The following DNM2 variants were observed in gnomAD, a reference collection of about 807,000 sequenced individuals.
DNM2 encodes dynamin 2, also known as dynamin-2.
Under a neutral mutation model 99.0 loss-of-function variants are expected in DNM2, and 15 were observed. The ratio of observed to expected loss-of-function variants is 0.15; its 90% CI spans 0.10 to 0.23. DNM2 has a LOEUF of 0.23. Among genes scored for constraint, DNM2 ranks in the 10% least tolerant of loss-of-function variants. The probability of loss-of-function intolerance (pLI) is 1.00; values close to 1 mark genes in which losing one functional copy is unlikely to be tolerated. For missense variants in DNM2, 742 were observed against 1,189.4 expected (o/e 0.62, Z 5.53); for synonymous variants, 525 against 481.2 (o/e 1.09, Z -1.19).
chr19:10,724,217 T>G lies in DNM2; in HGVS notation c.161+5814T>G, dbSNP rs2145672023. On this transcript the variant is annotated intron_variant, in intron 1 of 20. Coordinates refer to ENST00000389253, the MANE Select transcript of DNM2 (RefSeq NM_001005361.3). ...CTTTGAGACGGAGTCTCACTCTGTC[T>G]TCCAGGCTGGAGTGCAGTCACGCGA... Among the ~76,000 whole-genome samples the G allele has an allele frequency of 1.3e-5, 2 of 152,254 alleles. 1 individual carries two copies. The highest frequency in any genetic ancestry group is 4.2e-4 in the South Asian group (2 of 4,818).
chr19:10,758,707 T>G (rs1182429678), intron 1 of DNM2, among the ~76,000 whole-genome samples: 2 of 147,368 alleles, frequency 1.4e-5, no homozygotes, highest in Non-Finnish European at 3.0e-5. Flanking sequence ...CCACCACACT[T>G]GGATAATTTT....
In DNM2 at chr19:10,831,638, G is replaced by C. The variant is rs1793546623; in HGVS notation, c.*591G>C. On this transcript the variant is annotated 3_prime_UTR_variant, in exon 21 of 21. Coordinates refer to ENST00000389253, the MANE Select transcript of DNM2 (RefSeq NM_001005361.3). The surrounding 1 kb of genome is among the most constrained non-coding windows in gnomAD (Gnocchi z 4.3). ...CAGAGGTGCCTTTGCTAGGCCCGGA[G>C]CCGTTGGCCCGGGCCGGCCTTGCCC... is the stretch of plus-strand genomic sequence containing the variant. 3 of 986,066 alleles carry C rather than the reference G, an allele frequency of 3.0e-6. No homozygotes were observed. The South Asian group carries it at 1.4e-4, about 46-fold the overall frequency. 61.1% of individuals were successfully genotyped at this position (986,066 alleles called of 1,614,324 possible).
At position 10,796,173 on chromosome 19, in the gene DNM2, A is replaced by C; in HGVS notation, c.1196+734A>C. ...CGACCTGGTTATCCAGGAGCTAATCAATACAGTTAGGCAGTGTACCAGTAA... is the reference window on the plus strand; with the variant it reads ...CGACCTGGTTATCCAGGAGCTAATCCATACAGTTAGGCAGTGTACCAGTAA... On this transcript the variant is annotated intron_variant, in intron 9 of 20. Transcript: ENST00000389253. This position sits in a 1 kb window ranked among gnomAD's most constrained non-coding sequence, Gnocchi z 5.6. 6.2e-7 allele frequency: 1 copy of C among 1,614,192 alleles called. No individual in the cohort carries two copies. The highest frequency in any genetic ancestry group is 8.5e-7 in the Non-Finnish European group (1 of 1,180,034).
chr19:10,726,913 C>T (rs1211265235), intron 1 of DNM2, among the ~76,000 whole-genome samples: 1 of 152,094 alleles, frequency 6.6e-6, no homozygotes, highest in Non-Finnish European at 1.5e-5. Flanking sequence ...GCCAGATAAG[C>T]GTGTCCAGAC....
At chr19:10,805,043 G>A (rs769543376) in intron 12 of DNM2, among the ~76,000 whole-genome samples, 5 of 152,334 alleles carry the variant, frequency 3.3e-5, no homozygotes, top group East Asian at 1.9e-4. Context: ...TATTAGAACC[G>A]TAAGGTGGTG....
chr19:10,725,714 C>A lies in DNM2; in HGVS notation c.161+7311C>A, dbSNP rs560312077. Among the ~76,000 whole-genome samples the A allele has an allele frequency of 7.5e-4, 114 of 152,182 alleles. 1 individual carries two copies. The South Asian group carries it at 0.022, about 29-fold the overall frequency. On this transcript the variant is annotated intron_variant, in intron 1 of 20. Transcript: ENST00000389253. ...GTGAAACAGGCAGCATTTGTGATCT[C>A]GTTGGTTGGCTTTTGTCTCCTTTTA... is the stretch of plus-strand genomic sequence containing the variant.
At chr19:10,793,600 A>T (rs2071828716) in intron 7 of DNM2, 120 bp from the exon 8 acceptor site, 10 of 1,577,668 alleles carry the variant, frequency 6.3e-6, no homozygotes, top group Non-Finnish European at 8.7e-6. Context: ...ATATAGACAG[A>T]AGACATTTTG....
In DNM2 at chr19:10,746,740, T is replaced by TG. The variant is rs973344980; in HGVS notation, c.162-12998_162-12997insG. Among the ~76,000 whole-genome samples, 6 of 145,086 alleles carry TG rather than the reference T, an allele frequency of 4.1e-5. 1 individual carries two copies. Among genetic ancestry groups the TG allele is most frequent in the Non-Finnish European group, 6.1e-5 (4 of 66,104 alleles). On this transcript the variant is annotated intron_variant, in intron 1 of 20. Transcript: ENST00000389253. Reference sequence around the variant, plus strand: ...GGCTTTTTTTTTGTTTTTTGTTTTTTTTTTTTTTGAGACAGTCTCACTCTG... The same window carrying TG: ...GGCTTTTTTTTTGTTTTTTGTTTTTTGTTTTTTTTGAGACAGTCTCACTCTG...
At chr19:10,753,352 A>ACC (rs2070265328) in intron 1 of DNM2, among the ~76,000 whole-genome samples, 1 of 151,278 alleles carries the variant, frequency 6.6e-6, no homozygotes, top group Non-Finnish European at 1.5e-5. Context: ...CTTAGTCACA[A>ACC]AGTACAGACT....
At chr19:10,797,184 C>G (rs1464234505) in intron 9 of DNM2, among the ~76,000 whole-genome samples, 196 bp from the exon 10 acceptor site, 4 of 151,928 alleles carry the variant, frequency 2.6e-5, no homozygotes, top group African/African-American at 9.7e-5. Context: ...CACCCCAGAC[C>G]GAGCCCACAC....
At chr19:10,778,953 C>T (rs2071248601) in intron 5 of DNM2, among the ~76,000 whole-genome samples, 1 of 152,022 alleles carries the variant, frequency 6.6e-6, no homozygotes, top group African/African-American at 2.4e-5. Flanking sequence ...TGGTGACTCA[C>T]ACCTGTAATC....
chr19:10,797,432 A>G lies in DNM2; in HGVS notation c.1249A>G (p.Ile417Val), dbSNP rs148633841. 1.9e-6 allele frequency: 3 copies of G among 1,613,744 alleles called. No homozygotes were observed. The highest frequency in any genetic ancestry group is 2.7e-5 in the African/African-American group (2 of 74,856). ...MAFEAIVKKQ[I>V]VKLKEPSLKC... Reference sequence around the variant, plus strand: ...CTTTGAAGCCATTGTGAAAAAACAGATTGTAAAACTCAAAGAGCCGAGTTT... The same window carrying G: ...CTTTGAAGCCATTGTGAAAAAACAGGTTGTAAAACTCAAAGAGCCGAGTTT... Residue 417 changes from isoleucine (I) to valine (V), a missense_variant, in exon 10 of 21, where the codon ATT becomes GTT. Physicochemically the swap from Ile to Val is conservative, Grantham distance 29 (BLOSUM62 3). Transcript: ENST00000389253.
intron 12 of DNM2, among the ~76,000 whole-genome samples, chr19:10,805,415 C>G (rs1412621554): frequency 6.6e-6 from 1 of 152,144 alleles, no homozygotes. Context: ...CCAGGCAGAT[C>G]CCTTGAGTCT....
chr19:10,736,382 C>T (rs2069527958), intron 1 of DNM2, among the ~76,000 whole-genome samples: 1 of 152,150 alleles, frequency 6.6e-6, no homozygotes, highest in Non-Finnish European at 1.5e-5. Context: ...ACAGTGCTGG[C>T]ATTATGGGCG....
In DNM2 at chr19:10,775,591, C is replaced by G; in HGVS notation, c.386-112C>G. The G allele has an allele frequency of 8.2e-7, 1 of 1,212,352 alleles. No homozygotes were observed. The highest frequency in any genetic ancestry group is 1.2e-6 in the Non-Finnish European group (1 of 820,230). 75.1% of individuals were successfully genotyped at this position (1,212,352 alleles called of 1,614,324 possible). On this transcript the variant is annotated intron_variant, in intron 3 of 20. Transcript: ENST00000389253. The surrounding 1 kb of genome is among the most constrained non-coding windows in gnomAD (Gnocchi z 4.3). ...TTCAGGCAGAGTGTCAGGCGACATCCTCAAGTCTGAGCCCCGCGCAGGAAC... is the reference window on the plus strand; with the variant it reads ...TTCAGGCAGAGTGTCAGGCGACATCGTCAAGTCTGAGCCCCGCGCAGGAAC...
chr19:10,824,116 CAG>C (rs1457241686), intron 17 of DNM2: 50 of 580,300 alleles, frequency 8.6e-5, no homozygotes, highest in East Asian at 2.4e-4. Flanking sequence ...CCGGGGCACA[CAG>C]GGGATGGGGT....
intron 3 of DNM2, among the ~76,000 whole-genome samples, chr19:10,774,310 C>G (rs1210308179): frequency 6.6e-6 from 1 of 152,002 alleles, no homozygotes; most frequent in Non-Finnish European, 1.5e-5. Context: ...GCAAGACCCT[C>G]TATCTTAAAA....
At chr19:10,798,075 G>T (rs891614718) in intron 10 of DNM2, among the ~76,000 whole-genome samples, 1 of 152,094 alleles carries the variant, frequency 6.6e-6, no homozygotes, top group Non-Finnish European at 1.5e-5. Context: ...GAGGCTGATG[G>T]CCCAGATACC....
intron 1 of DNM2, among the ~76,000 whole-genome samples, chr19:10,743,749 G>T (rs2069848602): frequency 7.1e-6 from 1 of 141,042 alleles, no homozygotes; most frequent in Admixed American, 7.6e-5. Flanking sequence ...GGCGGAGCTT[G>T]CAGTGAGCCG....
Sources: gnomAD v4.1 joint callset for allele counts (sites outside exome capture counted in the v4.1 genomes callset) on GRCh38, gnomAD v4.1.1 for gene constraint, Gnocchi (gnomAD v3.1) non-coding constraint, MANE v1.5 for transcripts, NCBI Gene and HGNC (gene_info 2026-07-23, HGNC 2026-07-21) for gene names.